Variants in RBFOX2 observed in about 807,000 individuals in gnomAD.
The protein encoded by RBFOX2 is RNA binding fox-1 homolog 2.
Under a neutral mutation model 49.1 loss-of-function variants are expected in RBFOX2, and 10 were observed. The observed-to-expected ratio is 0.20, with a 90% CI of 0.13 to 0.35. The LOEUF (loss-of-function observed/expected upper bound fraction) is 0.35, where lower values mean the gene tolerates loss of function less well. RBFOX2 is among the 10% of genes least tolerant of loss of function. RBFOX2 has a pLI of 1.00. For synonymous variants in RBFOX2, 183 were observed against 187.4 expected, an observed-to-expected ratio of 0.98 and a Z score of 0.19; for missense variants, 323 against 486.9, an observed-to-expected ratio of 0.66 and a Z score of 3.17.
At chr22:35,871,481 C>G (rs1020112627) in intron 1 of RBFOX2, among the ~76,000 whole-genome samples, 1 of 152,106 alleles carries the variant, frequency 6.6e-6, no homozygotes, top group African/African-American at 2.4e-5. Flanking sequence ...AAAGGCTGTT[C>G]AAGGTAGAAA....
Position 35,759,747 on chromosome 22 carries a change from A to C in RBFOX2, c.887+141T>G. 1 of 1,135,924 alleles carries C rather than the reference A, an allele frequency of 8.8e-7. No individual in the cohort carries two copies. Among genetic ancestry groups the C allele is most frequent in the South Asian group, 1.6e-5 (1 of 63,808 alleles). 70.4% of individuals were successfully genotyped at this position (1,135,924 alleles called of 1,614,324 possible). ...TGGTATATTTTGTTTTTTGTCATCT[A>C]ATCTGTTAATTTGCAAATATTCACT... On this transcript the variant is annotated intron_variant, in intron 9 of 11. Coordinates refer to ENST00000405409, the Ensembl canonical transcript of RBFOX2. The surrounding 1 kb of genome is among the most constrained non-coding windows in gnomAD (Gnocchi z 4.6).
intron 9 of RBFOX2, chr22:35,747,574 T>A (rs1258274738): frequency 6.6e-6 from 1 of 152,206 alleles, no homozygotes; most frequent in Non-Finnish European, 1.5e-5. Context: ...CAAGAGACAA[T>A]CACAACAACA....
intron 1 of RBFOX2, among the ~76,000 whole-genome samples, chr22:35,921,772 A>G (rs767081525): frequency 5.3e-5 from 8 of 152,216 alleles, no homozygotes; most frequent in Non-Finnish European, 1.2e-4. Flanking sequence ...GCAGACACAG[A>G]TCAGACAAAT....
At chr22:35,811,808 T>TC (rs1951923032) in intron 1 of RBFOX2, among the ~76,000 whole-genome samples, 1 of 149,438 alleles carries the variant, frequency 6.7e-6, no homozygotes, top group Non-Finnish European at 1.5e-5. Flanking sequence ...TAGAAAAACT[T>TC]TAAAAAATTA....
exon 12 of RBFOX2, chr22:35,744,108 C>T: frequency 9.2e-7 from 1 of 1,091,368 alleles, no homozygotes. Context: ...TGTTTTTCCT[C>T]TTCATCTTGC....
chr22:35,977,308 T>C (rs1222991240), intron 1 of RBFOX2, among the ~76,000 whole-genome samples: 3 of 152,088 alleles, frequency 2.0e-5, no homozygotes, highest in East Asian at 3.9e-4. Context: ...TATACACTTA[T>C]ATGACCCTGC....
intron 10 of RBFOX2, among the ~76,000 whole-genome samples, chr22:35,746,232 G>C (rs570168689): frequency 6.6e-6 from 1 of 152,218 alleles, no homozygotes; most frequent in Non-Finnish European, 1.5e-5. Flanking sequence ...GAGGAAGAGA[G>C]GGACTGGAGT....
At chr22:35,799,962 C>T (rs898265635) in intron 2 of RBFOX2, among the ~76,000 whole-genome samples, 4 of 151,802 alleles carry the variant, frequency 2.6e-5, no homozygotes, top group African/African-American at 7.2e-5. Context: ...TCAAAGACCC[C>T]CTTCCCCCAC....
At chr22:35,849,298 A>AACACACACACACACACACACACACAC (rs61515031) in intron 1 of RBFOX2, among the ~76,000 whole-genome samples, 19 of 133,136 alleles carry the variant, frequency 1.4e-4, no homozygotes, top group East Asian at 4.3e-4. Context: ...TACACACACA[A>AACACACACACACACACACACACACAC]ACACACACAC....
intron 3 of RBFOX2, among the ~76,000 whole-genome samples, chr22:35,778,966 CTG>C (rs1944546189): frequency 6.6e-6 from 1 of 152,226 alleles, no homozygotes; most frequent in African/African-American, 2.4e-5. Flanking sequence ...CAATATATAA[CTG>C]TGTTACCACT....
intron 1 of RBFOX2, among the ~76,000 whole-genome samples, chr22:36,027,267 C>G (rs1189912180): frequency 1.3e-5 from 2 of 152,178 alleles, no homozygotes; most frequent in Non-Finnish European, 2.9e-5. Flanking sequence ...CTCCTAGCAT[C>G]CCTCTAACAT....
chr22:35,828,077 C>T (rs1045261002), intron 1 of RBFOX2, among the ~76,000 whole-genome samples: 5 of 150,950 alleles, frequency 3.3e-5, no homozygotes, highest in African/African-American at 1.2e-4. Flanking sequence ...AGGAGAATTG[C>T]TTGAGCCTGG....
At chr22:35,799,114 G>A (rs1361001185) in intron 2 of RBFOX2, among the ~76,000 whole-genome samples, 2 of 152,178 alleles carry the variant, frequency 1.3e-5, no homozygotes, top group Non-Finnish European at 2.9e-5. Flanking sequence ...AACAGAGAGA[G>A]AATTATTTCC....
chr22:35,917,421 G>A (rs958956539), intron 1 of RBFOX2, among the ~76,000 whole-genome samples: 1 of 152,174 alleles, frequency 6.6e-6, no homozygotes, highest in African/African-American at 2.4e-5. Flanking sequence ...AATGAGGGGA[G>A]GGGACAGTGA....
At chr22:35,887,992 T>C (rs1319332377) in intron 1 of RBFOX2, among the ~76,000 whole-genome samples, 1 of 152,160 alleles carries the variant, frequency 6.6e-6, no homozygotes, top group Non-Finnish European at 1.5e-5. Context: ...CTCCTTCTTA[T>C]GTTCTACCTC....
At chr22:35,871,179 C>T (rs1030670493) in intron 1 of RBFOX2, among the ~76,000 whole-genome samples, 2 of 152,140 alleles carry the variant, frequency 1.3e-5, no homozygotes, top group African/African-American at 4.8e-5. Flanking sequence ...TGAATGGAAA[C>T]GCAACTTTGA....
At chr22:35,969,387 C>T (rs1277838323) in intron 1 of RBFOX2, among the ~76,000 whole-genome samples, 1 of 152,086 alleles carries the variant, frequency 6.6e-6, no homozygotes, top group Non-Finnish European at 1.5e-5. Context: ...AGCCTGGCAA[C>T]ATGGTAAAAC....
upstream of RBFOX2, among the ~76,000 whole-genome samples, chr22:35,843,915 C>T (rs1406102711): frequency 6.6e-6 from 1 of 152,214 alleles, no homozygotes; most frequent in Admixed American, 6.5e-5. Flanking sequence ...GTTAACATTG[C>T]TGACCACACT....
chr22:36,000,696 C>A (rs2058379511), intron 1 of RBFOX2, among the ~76,000 whole-genome samples: 1 of 152,006 alleles, frequency 6.6e-6, no homozygotes, highest in African/African-American at 2.4e-5. Flanking sequence ...CACCGGAGTT[C>A]TCAGTATCTA....
Sources: gnomAD v4.1 joint callset for allele counts (sites outside exome capture counted in the v4.1 genomes callset) on GRCh38, gnomAD v4.1.1 for gene constraint, Gnocchi (gnomAD v3.1) non-coding constraint, MANE v1.5 for transcripts, NCBI Gene and HGNC (gene_info 2026-07-23, HGNC 2026-07-21) for gene names.